The following TTLL12 variants were observed in gnomAD, a reference collection of about 807,000 sequenced individuals.
The protein encoded by TTLL12 is tubulin tyrosine ligase like 12.
In TTLL12, 77 loss-of-function variants were observed where a neutral mutation model predicts 79.6. The observed-to-expected ratio is 0.97, with a 90% CI of 0.81 to 1.17. The LOEUF (loss-of-function observed/expected upper bound fraction) is 1.17, where lower values mean the gene tolerates loss of function less well. Among genes scored for constraint, TTLL12 ranks in the 50% most tolerant of loss-of-function variants. The pLI, the probability that TTLL12 is intolerant of heterozygous loss-of-function variation, is 0.00. For synonymous variants in TTLL12, 437 were observed against 376.1 expected, an observed-to-expected ratio of 1.16 and a Z score of -1.87; for missense variants, 969 against 895.9, an observed-to-expected ratio of 1.08 and a Z score of -1.04.
In TTLL12 at chr22:43,178,613, G is replaced by A. The variant is rs567645366; in HGVS notation, c.840+1006C>T. 3.4e-4 allele frequency among the ~76,000 whole-genome samples: 51 copies of A among 152,204 alleles called. 2 individuals carry two copies. In the South Asian group the frequency reaches 7.7e-3, roughly 23 times the overall value. ...TGGGATTACAGGCATGAGCCCCCAC[G>A]CCCAGCCTCCACGCGCCCACTCTCA... On this transcript the variant is annotated intron_variant, in intron 5 of 13. Transcript: ENST00000216129.
At chr22:43,183,929 AT>A (rs1932120281) in intron 1 of TTLL12, among the ~76,000 whole-genome samples, 1 of 152,250 alleles carries the variant, frequency 6.6e-6, no homozygotes. Flanking sequence ...TTACTTAACT[AT>A]CCCATGCGTG....
rs1261039022 is a variant in TTLL12, at chr22:43,187,017, C to T, written c.53G>A (p.Gly18Asp). ...CTGCGCGCCCTCCTCCGGCGTCTGG[C>T]CCGGGCTGCTACGCTCCGCAGGCCG... ...ERRPAERSSP[G>D]QTPEEGAQAL... is the part of the protein sequence containing the mutation. The change falls in exon 1 of 14, where the codon GGC becomes GAC. Residue 18 changes from glycine (G) to aspartate (D), a missense_variant. Gly to Asp is a moderately conservative substitution (Grantham distance 94). Transcript: ENST00000216129. 18 of 1,249,516 alleles carry T rather than the reference C, an allele frequency of 1.4e-5. No individual in the cohort carries two copies. The Middle Eastern group carries it at 3.2e-3, about 220-fold the overall frequency. 77.4% of individuals were successfully genotyped at this position (1,249,516 alleles called of 1,614,324 possible). A position where few individuals can be genotyped will look rare whatever the true frequency, so the allele number is the denominator to read the frequency against.
In TTLL12 at chr22:43,180,730, C is replaced by A; in HGVS notation, c.546+12G>T. On this transcript the variant is annotated intron_variant, in intron 3 of 13. Coordinates refer to ENST00000216129, the MANE Select transcript of TTLL12 (RefSeq NM_015140.4). Reference sequence around the variant, plus strand: ...TGTCCTCCCCCTCCCCGGGGCCCAGCTACCCACTCACCCCATGGGCCAGCT... The same window carrying A: ...TGTCCTCCCCCTCCCCGGGGCCCAGATACCCACTCACCCCATGGGCCAGCT... 6.2e-7 allele frequency: 1 copy of A among 1,612,478 alleles called. No individual in the cohort carries two copies. Among genetic ancestry groups the A allele is most frequent in the South Asian group, 1.1e-5 (1 of 91,006 alleles).
chr22:43,173,448 C>T (rs1256901296), intron 9 of TTLL12, among the ~76,000 whole-genome samples: 1 of 152,152 alleles, frequency 6.6e-6, no homozygotes, highest in Non-Finnish European at 1.5e-5. Context: ...GAAGCTGGGA[C>T]TACAGGTGTG....
At chr22:43,178,334 T>TG (rs1931966917) in intron 5 of TTLL12, among the ~76,000 whole-genome samples, 1 of 151,254 alleles carries the variant, frequency 6.6e-6, no homozygotes, top group African/African-American at 2.4e-5. Flanking sequence ...TTTTTTTTTT[T>TG]TTTTTGAGAC....
At chr22:43,168,959 C>T in intron 12 of TTLL12, 47 bp from the exon 13 acceptor site, 2 of 1,558,864 alleles carry the variant, frequency 1.3e-6, no homozygotes, top group Non-Finnish European at 1.7e-6. Context: ...AGAACAGCCT[C>T]TCAAGAGGGG....
chr22:43,173,954 G>T, intron 8 of TTLL12, 128 bp from the exon 9 acceptor site: 1 of 956,522 alleles, frequency 1.0e-6, no homozygotes, highest in Non-Finnish European at 1.5e-6. Flanking sequence ...CCAGAGAGCT[G>T]TCAGAGGCAG....
intron 2 of TTLL12, among the ~76,000 whole-genome samples, chr22:43,181,679 C>A (rs1400264228): frequency 6.6e-6 from 1 of 152,240 alleles, no homozygotes; most frequent in African/African-American, 2.4e-5. Flanking sequence ...GCCTAATAGA[C>A]AAAGCCGCCC....
chr22:43,180,004 C>T lies in TTLL12; in HGVS notation c.547-4G>A, dbSNP rs951583202. Reference sequence around the variant, plus strand: ...CCGGCATCTTCTCCTCAGCTGTCTGCAGACAGAGCACATATGGCACCTCTC... The same window carrying T: ...CCGGCATCTTCTCCTCAGCTGTCTGTAGACAGAGCACATATGGCACCTCTC... On this transcript the variant is annotated splice_polypyrimidine_tract_variant and splice_region_variant and intron_variant, in intron 3 of 13. Transcript: ENST00000216129. 1.9e-6 allele frequency: 3 copies of T among 1,586,412 alleles called. No homozygotes were observed. In the African/African-American group the frequency reaches 4.0e-5, roughly 21 times the overall value.
Position 43,187,084 on chromosome 22 carries a change from C to G in TTLL12, c.-15G>C. 1 of 1,147,582 alleles carries G rather than the reference C, an allele frequency of 8.7e-7. No homozygotes were observed. The highest frequency in any genetic ancestry group is 3.6e-4 in the Middle Eastern group (1 of 2,776). 71.1% of individuals were successfully genotyped at this position (1,147,582 alleles called of 1,614,324 possible). On this transcript the variant is annotated 5_prime_UTR_variant, in exon 1 of 14. Coordinates refer to ENST00000216129, the MANE Select transcript of TTLL12 (RefSeq NM_015140.4). ...TCGGCCTCCATGGCGCCAGCACCCG[C>G]GCCGACTCCAGCGCCGCCACCGCCG...
intron 4 of TTLL12, 21 bp from the exon 5 acceptor site, chr22:43,179,773 C>G (rs773232011): frequency 1.9e-6 from 3 of 1,548,978 alleles, no homozygotes. Context: ...ACATGAGTGC[C>G]CATCAGAGGG....
chr22:43,175,578 C>A (rs1337449139), intron 6 of TTLL12: 1 of 152,254 alleles, frequency 6.6e-6, no homozygotes, highest in Non-Finnish European at 1.5e-5. Flanking sequence ...GGATGGGGAC[C>A]AGTGGTGGCC....
chr22:43,183,293 T>C (rs1265783775), intron 1 of TTLL12, 144 bp from the exon 2 acceptor site: 20 of 990,390 alleles, frequency 2.0e-5, no homozygotes, highest in African/African-American at 3.2e-5. Flanking sequence ...ACCTGTTTAA[T>C]GCAACCACAC....
intron 5 of TTLL12, among the ~76,000 whole-genome samples, chr22:43,176,869 C>T (rs1254615544): frequency 6.6e-6 from 1 of 152,162 alleles, no homozygotes; most frequent in East Asian, 1.9e-4. Context: ...CCCCCCTCAC[C>T]CCAGGATTCT....
intron 6 of TTLL12, chr22:43,175,535 AC>A (rs1189042752): frequency 1.3e-5 from 2 of 152,294 alleles, no homozygotes; most frequent in African/African-American, 2.4e-5. Context: ...AAGGTTGGTA[AC>A]AGGACCCCTT....
chr22:43,169,974 G>A (rs995466563), intron 11 of TTLL12: 5 of 426,194 alleles, frequency 1.2e-5, no homozygotes, highest in South Asian at 5.1e-5. Flanking sequence ...AGACTCCGCC[G>A]CGGGACCTGC....
intron 9 of TTLL12, 130 bp from the exon 10 acceptor site, chr22:43,172,684 C>G: frequency 2.0e-6 from 2 of 990,504 alleles, no homozygotes; most frequent in Non-Finnish European, 2.9e-6. Context: ...TCAAACCTGC[C>G]TAAGTTGCTG....
In TTLL12 at chr22:43,168,819, T is replaced by C. The variant is rs566341575; in HGVS notation, c.1738A>G (p.Met580Val). 1.2e-5 allele frequency: 19 copies of C among 1,588,094 alleles called. No homozygotes were observed. The highest frequency in any genetic ancestry group is 1.5e-5 in the Non-Finnish European group (17 of 1,167,894). Residue 580 changes from methionine to valine, a missense_variant, in exon 13 of 14, where the codon ATG becomes GTG. Physicochemically the swap from Met to Val is conservative, Grantham distance 21. Coordinates refer to ENST00000216129, the MANE Select transcript of TTLL12 (RefSeq NM_015140.4). ...TTCAGCATGAGGTCGACGGCATACA[T>C]GGCCCGGGATGAGGGGTAGTCGCAG... ...GLCDYPSSRAMYAVDLMLKWD... is the reference protein window; with the variant it reads ...GLCDYPSSRAVYAVDLMLKWD...
At position 43,180,889 on chromosome 22, in the gene TTLL12, C is replaced by T. The variant is rs895027736; in HGVS notation, c.399G>A (p.Gln133=). The part of the protein sequence containing the change: ...AWTCRVEHAR[Q]QLQQVPGLLH... ...GCAGCCCGGGCACCTGCTGCAGCTGCTGGCGCGCGTGCTCCACACGGCACG... is the reference window on the plus strand; with the variant it reads ...GCAGCCCGGGCACCTGCTGCAGCTGTTGGCGCGCGTGCTCCACACGGCACG... The change falls in exon 3 of 14, where the codon CAG becomes CAA. Residue 133 remains glutamine (Q), a synonymous_variant. Transcript: ENST00000216129. 6.2e-7 allele frequency: 1 copy of T among 1,612,828 alleles called. No individual in the cohort carries two copies. Among genetic ancestry groups the T allele is most frequent in the African/African-American group, 1.3e-5 (1 of 75,070 alleles).
Sources: gnomAD v4.1 joint callset for allele counts (sites outside exome capture counted in the v4.1 genomes callset) on GRCh38, gnomAD v4.1.1 for gene constraint, MANE v1.5 for transcripts, NCBI Gene and HGNC (gene_info 2026-07-23, HGNC 2026-07-21) for gene names.